Variants in RYR1 observed in about 807,000 individuals in gnomAD.
The protein encoded by RYR1 is central core disease of muscle.
In RYR1, 342 loss-of-function variants were observed where a neutral mutation model predicts 583.5. The observed-to-expected ratio is 0.59, with a 90% confidence interval of 0.54 to 0.64. The LOEUF is 0.64. Among genes scored for constraint, RYR1 ranks in the 30% least tolerant of loss-of-function variants. The pLI, the probability that RYR1 is intolerant of heterozygous loss-of-function variation, is 0.00. For missense variants in RYR1, 6,032 were observed against 6,917.2 expected, an observed-to-expected ratio of 0.87 and a Z score of 4.54; for synonymous variants, 2,791 against 2,822.5, an observed-to-expected ratio of 0.99 and a Z score of 0.35.
intron 38 of RYR1, among the ~76,000 whole-genome samples, chr19:38,493,025 C>T (rs890856922): frequency 6.6e-6 from 1 of 151,940 alleles, no homozygotes; most frequent in Middle Eastern, 3.4e-3. Flanking sequence ...GCCCAGATTG[C>T]GCCACTGCAC....
At chr19:38,455,580 G>C in intron 15 of RYR1, 34 bp downstream of exon 15, 1 of 1,611,956 alleles carries the variant, frequency 6.2e-7, no homozygotes, top group Non-Finnish European at 8.5e-7. Context: ...ACAGAGGCTT[G>C]TGGGAGGGGA....
intron 91 of RYR1, among the ~76,000 whole-genome samples, chr19:38,566,263 C>A (rs1452013631): frequency 6.6e-6 from 1 of 151,478 alleles, no homozygotes; most frequent in East Asian, 1.9e-4. Flanking sequence ...ATCCTGGCCA[C>A]CGTGGTGGAA....
chr19:38,489,056 C>T (rs1200104835), intron 34 of RYR1, 121 bp from the exon 35 acceptor site: 5 of 885,306 alleles, frequency 5.6e-6, no homozygotes, highest in African/African-American at 4.9e-5. Flanking sequence ...TGGGAGGAAT[C>T]GGATCAGCCA....
At chr19:38,579,919 C>A in intron 99 of RYR1, 63 bp from the exon 100 acceptor site, 1 of 1,609,848 alleles carries the variant, frequency 6.2e-7, no homozygotes, top group South Asian at 1.1e-5. Flanking sequence ...TGGCCCCTAC[C>A]CTCCAGAGTG....
Position 38,433,696 on chromosome 19 carries a change from T to C in RYR1, c.-134T>C. 5.4e-6 allele frequency: 4 copies of C among 734,242 alleles called. No homozygotes were observed. In the South Asian group the frequency reaches 5.9e-5, roughly 11 times the overall value. 45.5% of individuals were successfully genotyped at this position (734,242 alleles called of 1,614,324 possible). On this transcript the variant is annotated 5_prime_UTR_variant, in exon 1 of 106. Transcript: ENST00000359596. ...CCAGCATGCGTGTACTCCTCGCAGTTCCATCTACCTCGCGGGTGCCTCTGG... is the reference window on the plus strand; with the variant it reads ...CCAGCATGCGTGTACTCCTCGCAGTCCCATCTACCTCGCGGGTGCCTCTGG...
intron 79 of RYR1, 117 bp downstream of exon 79, chr19:38,534,936 G>T: frequency 8.4e-7 from 1 of 1,192,044 alleles, no homozygotes. Flanking sequence ...TGGTTTGCAC[G>T]CACACCCCAG....
In RYR1 at chr19:38,510,794, T is replaced by G. The variant is rs777698752; in HGVS notation, c.9122+13T>G. 6.2e-7 allele frequency: 1 copy of G among 1,614,024 alleles called. No homozygotes were observed. The highest frequency in any genetic ancestry group is 8.5e-7 in the Non-Finnish European group (1 of 1,180,048). ...AAATGATCACCAGGTGGGCCGCCTG[T>G]GACCCTGGACCCAGCCCCCTGACCT... is the stretch of plus-strand genomic sequence containing the variant. On this transcript the variant is annotated intron_variant, in intron 60 of 105. Transcript: ENST00000359596.
intron 33 of RYR1, among the ~76,000 whole-genome samples, chr19:38,484,185 G>C (rs772911179): frequency 3.3e-5 from 5 of 152,038 alleles, no homozygotes; most frequent in Admixed American, 6.6e-5. Context: ...CCAGCTACTC[G>C]GGAGGCTGAG....
chr19:38,524,152 C>T (rs1328733995), intron 70 of RYR1, among the ~76,000 whole-genome samples: 1 of 99,860 alleles, frequency 1.0e-5, no homozygotes, highest in Non-Finnish European at 2.0e-5. Flanking sequence ...TTTTCTTTTT[C>T]TTCTTTCCTT....
At chr19:38,472,835 T>TAAAA (rs34985897) in intron 27 of RYR1, among the ~76,000 whole-genome samples, 2 of 107,286 alleles carry the variant, frequency 1.9e-5, no homozygotes, top group African/African-American at 3.3e-5. Context: ...GACTCTTGTC[T>TAAAA]AAAAAAAAAA....
intron 84 of RYR1, among the ~76,000 whole-genome samples, chr19:38,541,113 T>C (rs1007746863): frequency 2.6e-5 from 4 of 152,240 alleles, no homozygotes; most frequent in African/African-American, 9.6e-5. Flanking sequence ...TCATTGTAAT[T>C]GTACACTGGC....
chr19:38,448,772 C>T lies in RYR1; in HGVS notation c.1081C>T (p.Pro361Ser), dbSNP rs761707535. 3 of 1,614,042 alleles carry T rather than the reference C, an allele frequency of 1.9e-6. No homozygotes were observed. The highest frequency in any genetic ancestry group is 2.2e-5 in the East Asian group (1 of 44,890). The change falls in exon 11 of 106, where the codon CCA (proline) becomes TCA (serine). Residue 361 changes from proline (P) to serine (S), a missense_variant. By Grantham distance (74) the Pro-to-Ser change is moderately conservative (BLOSUM62 -1). Transcript: ENST00000359596. ...AGGACTGTGGCTCACCTATGCTGCT[C>T]CAGACCCCAAGGCCCTGCGGCTCGG... ...ASGLWLTYAA[P>S]DPKALRLGVL...
In RYR1 at chr19:38,543,651, G is replaced by A. The variant is rs1330368782; in HGVS notation, c.11898G>A (p.Glu3966=). The change falls in exon 86 of 106, where the codon GAG becomes GAA. Residue 3966 remains glutamate, a synonymous_variant. Transcript: ENST00000359596. The surrounding 1 kb of genome is among the most constrained non-coding windows in gnomAD (Gnocchi z 4.4). ...VAKQVFNSLT[E]YIQGPCTGNQ... Reference sequence around the variant, plus strand: ...AGCAGGTGTTCAACAGCCTCACTGAGTACATCCAGGTAGGGCGCTCCCCCT... The same window carrying A: ...AGCAGGTGTTCAACAGCCTCACTGAATACATCCAGGTAGGGCGCTCCCCCT... The A allele has an allele frequency of 1.2e-6, 2 of 1,613,934 alleles. No homozygotes were observed. Among genetic ancestry groups the A allele is most frequent in the Non-Finnish European group, 1.7e-6 (2 of 1,180,038 alleles).
chr19:38,470,399 G>T lies in RYR1; in HGVS notation c.3765+886G>T, dbSNP rs115876640. On this transcript the variant is annotated intron_variant, in intron 27 of 105. Transcript: ENST00000359596. ...GCTGCAGTAAGCTGATTACACGACTGCACTCCAGCCTGAGTGACAGAGAGG... is the reference window on the plus strand; with the variant it reads ...GCTGCAGTAAGCTGATTACACGACTTCACTCCAGCCTGAGTGACAGAGAGG... 9.4e-3 allele frequency among the ~76,000 whole-genome samples: 1,395 copies of T among 148,600 alleles called. 23 individuals are homozygous for T. The highest frequency in any genetic ancestry group is 0.033 in the African/African-American group (1,333 of 40,112).
chr19:38,562,489 G>T (rs1290395613), intron 90 of RYR1, among the ~76,000 whole-genome samples: 3 of 151,890 alleles, frequency 2.0e-5, no homozygotes, highest in Non-Finnish European at 4.4e-5. Context: ...ACCCCTTCTT[G>T]TCTCACACAC....
Position 38,525,510 on chromosome 19 carries a change from C to G in RYR1, c.10626+8C>G. 6.2e-7 allele frequency: 1 copy of G among 1,613,350 alleles called. No homozygotes were observed. The highest frequency in any genetic ancestry group is 1.1e-5 in the South Asian group (1 of 91,038). ...AAGACCCGTTACGCCCTGGTGCCTG[C>G]CCAGCCCCGTCCTCGGAACCTTCCA... On this transcript the variant is annotated splice_region_variant and intron_variant, in intron 71 of 105. Transcript: ENST00000359596.
Position 38,580,476 on chromosome 19 carries a change from C to G in RYR1, c.14618C>G (p.Pro4873Arg), listed in dbSNP as rs1456579806. ...FYNKSEDEDEPDMKCDDMMTC... is the reference protein window; with the variant it reads ...FYNKSEDEDERDMKCDDMMTC... ...AACAAGAGCGAGGATGAGGATGAAC[C>G]TGACATGAAGTGTGATGACATGATG... Residue 4873 changes from proline (P) to arginine (R), a missense_variant, in exon 101 of 106, where the codon CCT becomes CGT. Around this residue, in one of 11 missense-constraint regions of RYR1, gnomAD observed 189 missense variants for 350.3 expected, o/e 0.54. Coordinates refer to ENST00000359596, the MANE Select transcript of RYR1 (RefSeq NM_000540.3). The G allele has an allele frequency of 6.2e-7, 1 of 1,614,168 alleles. No homozygotes were observed. The highest frequency in any genetic ancestry group is 2.2e-5 in the East Asian group (1 of 44,870).
rs757753317 is a variant in RYR1, at chr19:38,517,521, G to A, written c.9848G>A (p.Arg3283Gln). 18 of 1,613,894 alleles carry A rather than the reference G, an allele frequency of 1.1e-5. No homozygotes were observed. Among genetic ancestry groups the A allele is most frequent in the Admixed American group, 6.7e-5 (4 of 59,990 alleles). ...TLPMLCSYLP[R>Q]WWERGPEAPP... ...CCCATGCTATGCAGCTACCTGCCCC[G>A]ATGGTGGGAGCGCGGGCCCGAGGCA... The change falls in exon 66 of 106, where the codon CGA (arginine) becomes CAA (glutamine). Residue 3283 changes from arginine to glutamine, a missense_variant. Physicochemically the swap from Arg to Gln is conservative, Grantham distance 43. Transcript: ENST00000359596.
In RYR1 at chr19:38,512,272, C is replaced by T. The variant is rs56338790; in HGVS notation, c.9261C>T (p.Ile3087=). Residue 3087 remains isoleucine (I), a synonymous_variant, in exon 63 of 106, where the codon ATC becomes ATT. Coordinates refer to ENST00000359596, the MANE Select transcript of RYR1 (RefSeq NM_000540.3). This position sits in a 1 kb window ranked among gnomAD's most constrained non-coding sequence, Gnocchi z 5.1. ...CAGTGATGAAGTCAGGCCCTGAGAT[C>T]GTGAAGGCTGGCCTCCGCTCCTTCT... The part of the protein sequence containing the change: ...ARTVMKSGPE[I]VKAGLRSFFE... 138 of 1,614,106 alleles carry T rather than the reference C, an allele frequency of 8.5e-5. 1 individual carries two copies. The highest frequency in any genetic ancestry group is 2.0e-4 in the Admixed American group (12 of 60,000).
Sources: allele counts gnomAD v4.1 joint callset (sites outside exome capture counted in the v4.1 genomes callset), GRCh38; gene constraint gnomAD v4.1.1; regional missense constraint gnomAD v4.1.1; non-coding constraint Gnocchi (gnomAD v3.1); transcripts MANE v1.5; gene names NCBI Gene and HGNC (gene_info 2026-07-23, HGNC 2026-07-21).